NUP93: variants seen among roughly 807,000 people sequenced by gnomAD.
The protein encoded by NUP93 is nucleoporin 93.
NUP93 carries 55 observed loss-of-function variants against 107.8 expected under a neutral mutation model. The observed-to-expected ratio is 0.51, with a 90% CI of 0.41 to 0.64. The LOEUF (loss-of-function observed/expected upper bound fraction) is 0.64. NUP93 is among the 30% of genes least tolerant of loss of function. The pLI is 0.00. For synonymous variants in NUP93, 390 were observed against 397.5 expected (o/e 0.98, Z 0.22); for missense variants, 937 against 1,044.7 (o/e 0.90, Z 1.42).
At chr16:56,792,494 AC>A (rs1192527783) in intron 3 of NUP93, among the ~76,000 whole-genome samples, 1 of 152,172 alleles carries the variant, frequency 6.6e-6, no homozygotes, top group East Asian at 1.9e-4. Context: ...TGGACATAGA[AC>A]CCCAAAGAGC....
intron 1 of NUP93, 26 bp downstream of exon 1, chr16:56,730,237 T>G (rs1416168534): frequency 6.6e-6 from 1 of 152,222 alleles, no homozygotes; most frequent in Non-Finnish European, 1.5e-5. Flanking sequence ...GTCGCGTCCT[T>G]GCGACCCTGG....
chr16:56,797,798 G>T (rs750996897), intron 3 of NUP93, among the ~76,000 whole-genome samples: 14 of 152,158 alleles, frequency 9.2e-5, no homozygotes, highest in Admixed American at 5.9e-4. Context: ...AGTAGTAAAT[G>T]GAGGCACTAG....
Position 56,783,825 on chromosome 16 carries a change from G to A in NUP93, c.298-14651G>A, listed in dbSNP as rs1567386830. 5.1e-6 allele frequency: 5 copies of A among 985,258 alleles called. 1 individual carries two copies. The highest frequency in any genetic ancestry group is 3.6e-6 in the Non-Finnish European group (3 of 829,918). 61.0% of individuals were successfully genotyped at this position (985,258 alleles called of 1,614,324 possible). A position where few individuals can be genotyped will look rare whatever the true frequency, so the allele number is the denominator to read the frequency against. On this transcript the variant is annotated intron_variant, in intron 3 of 21. Coordinates refer to ENST00000308159, the MANE Select transcript of NUP93 (RefSeq NM_014669.5). ...CACATTGTATAGAAGAGTTCTTTAG[G>A]AAGGTGGAGAATATTCCCAGAAAGA... is the stretch of plus-strand genomic sequence containing the variant.
intron 5 of NUP93, among the ~76,000 whole-genome samples, chr16:56,810,848 C>A (rs1257990446): frequency 6.6e-6 from 1 of 152,080 alleles, no homozygotes; most frequent in Admixed American, 6.6e-5. Flanking sequence ...TCTTGACATC[C>A]AATATCATAA....
intron 12 of NUP93, among the ~76,000 whole-genome samples, chr16:56,833,003 A>G (rs1450997829): frequency 6.6e-6 from 1 of 152,202 alleles, no homozygotes; most frequent in African/African-American, 2.4e-5. Flanking sequence ...CAGTAATGTT[A>G]TGAGGTCTAG....
intron 10 of NUP93, among the ~76,000 whole-genome samples, chr16:56,831,122 T>C (rs542878634): frequency 6.6e-6 from 1 of 152,358 alleles, no homozygotes; most frequent in South Asian, 2.1e-4. Context: ...TTAGTAAAAT[T>C]GAAATATAAT....
At chr16:56,743,221 G>T (rs1229257754) in intron 1 of NUP93, among the ~76,000 whole-genome samples, 1 of 152,044 alleles carries the variant, frequency 6.6e-6, no homozygotes, top group East Asian at 1.9e-4. Context: ...GTGCATTTTT[G>T]CTCTGCCTTT....
At chr16:56,789,881 C>T (rs2144536897) in intron 3 of NUP93, among the ~76,000 whole-genome samples, 1 of 152,226 alleles carries the variant, frequency 6.6e-6, no homozygotes, top group East Asian at 1.9e-4. Context: ...GGTGGATCAC[C>T]TAAGGTCAGG....
intron 5 of NUP93, among the ~76,000 whole-genome samples, chr16:56,806,127 A>G (rs1963133415): frequency 6.7e-6 from 1 of 150,272 alleles, no homozygotes; most frequent in Non-Finnish European, 1.5e-5. Flanking sequence ...GAGTCATGAT[A>G]GCAACTCCTT....
At chr16:56,839,233 CTTTTTTTTTTTTTTTT>C in intron 19 of NUP93, 164 bp downstream of exon 19, 2 of 52,864 alleles carry the variant, frequency 3.8e-5, no homozygotes, top group South Asian at 2.0e-3. Flanking sequence ...TCCTGTGTGG[CTTTTTTTTTTTTTTTT>C]TTTTTTTTTT....
Position 56,748,435 on chromosome 16 carries a change from T to G in NUP93, c.179+9T>G, listed in dbSNP as rs189526861. On this transcript the variant is annotated intron_variant, in intron 2 of 21. Coordinates refer to ENST00000308159, the MANE Select transcript of NUP93 (RefSeq NM_014669.5). ...ACGGCAGATGTCAAGGCGTGAGTAC[T>G]GGTAGGGAGACAGCATTAGTACTGG... The G allele has an allele frequency of 1.4e-3, 2,171 of 1,606,122 alleles. 6 individuals are homozygous for G. The highest frequency in any genetic ancestry group is 8.3e-3 in the African/African-American group (625 of 74,874).
intron 3 of NUP93, among the ~76,000 whole-genome samples, chr16:56,790,427 C>T (rs946458898): frequency 1.3e-5 from 2 of 152,162 alleles, no homozygotes; most frequent in African/African-American, 4.8e-5. Flanking sequence ...ATCCTTGAGG[C>T]GCTCTCCGTG....
chr16:56,777,020 GCGTGTGTGTGTGTGCACGCA>G (rs1164907952), intron 3 of NUP93, among the ~76,000 whole-genome samples: 1 of 152,186 alleles, frequency 6.6e-6, no homozygotes, highest in Non-Finnish European at 1.5e-5. Context: ...GAGAGAGTGA[GCGTGTGTGTGTGTGCACGCA>G]CGTGTGTGTG....
chr16:56,836,516 G>T, intron 16 of NUP93, 85 bp from the exon 17 acceptor site: 2 of 779,350 alleles, frequency 2.6e-6, no homozygotes. Flanking sequence ...GTATTTTTTG[G>T]ATCCTAATTG....
intron 3 of NUP93, among the ~76,000 whole-genome samples, chr16:56,787,295 G>GC (rs1962649011): frequency 6.6e-6 from 1 of 152,228 alleles, no homozygotes; most frequent in Non-Finnish European, 1.5e-5. Flanking sequence ...AATCCCATCA[G>GC]CATAAGCATT....
chr16:56,756,440 A>G (rs9302684), intron 2 of NUP93, among the ~76,000 whole-genome samples: 133,519 of 151,904 alleles, frequency 0.88, 58,994 homozygotes, highest in East Asian at 1. Flanking sequence ...GATAGCTTCC[A>G]GCTTCATCCA....
At chr16:56,764,366 TGTAATC>T in intron 3 of NUP93, among the ~76,000 whole-genome samples, 1 of 152,148 alleles carries the variant, frequency 6.6e-6, no homozygotes, top group Non-Finnish European at 1.5e-5. Flanking sequence ...GGTGCACGCC[TGTAATC>T]CCAGCTACTC....
intron 3 of NUP93, among the ~76,000 whole-genome samples, chr16:56,792,481 A>G (rs550816073): frequency 9.9e-5 from 15 of 152,262 alleles, no homozygotes; most frequent in Non-Finnish European, 1.8e-4. Context: ...GAACTGGGTC[A>G]TCTGGACATA....
intron 17 of NUP93, among the ~76,000 whole-genome samples, chr16:56,836,918 C>T (rs1448496639): frequency 6.6e-6 from 1 of 152,220 alleles, no homozygotes; most frequent in African/African-American, 2.4e-5. Context: ...ATTTTTCTGA[C>T]CAAACAACAT....
Sources: allele counts gnomAD v4.1 joint callset (sites outside exome capture counted in the v4.1 genomes callset), GRCh38; gene constraint gnomAD v4.1.1; transcripts MANE v1.5; gene names NCBI Gene and HGNC (gene_info 2026-07-23, HGNC 2026-07-21).